KCTD8: variants seen among roughly 807,000 people sequenced by gnomAD.
KCTD8 encodes BTB/POZ domain-containing protein KCTD8.
A neutral mutation model predicts 31.5 loss-of-function variants in KCTD8; 27 were observed. The ratio of observed to expected loss-of-function variants is 0.86; its 90% CI spans 0.63 to 1.18. KCTD8 has a LOEUF of 1.18. Among genes scored for constraint, KCTD8 ranks in the 50% most tolerant of loss-of-function variants. The pLI is 0.00. For synonymous variants in KCTD8, 290 were observed against 280.0 expected, an observed-to-expected ratio of 1.04 and a Z score of -0.36; for missense variants, 658 against 647.7, an observed-to-expected ratio of 1.02 and a Z score of -0.17.
chr4:44,441,571 C>T (rs1388384717), intron 1 of KCTD8, among the ~76,000 whole-genome samples: 2 of 152,008 alleles, frequency 1.3e-5, no homozygotes, highest in African/African-American at 2.4e-5. Context: ...AAATTGACTG[C>T]CAGAAACAGG....
At chr4:44,358,231 C>A (rs1274912321) in intron 1 of KCTD8, among the ~76,000 whole-genome samples, 1 of 152,098 alleles carries the variant, frequency 6.6e-6, no homozygotes, top group Non-Finnish European at 1.5e-5. Context: ...TGAACTCATC[C>A]TTTTTTATGG....
Position 44,448,506 on chromosome 4 carries a change from C to A in KCTD8, c.18G>T (p.Thr6=). The A allele has an allele frequency of 6.7e-7, 1 of 1,488,556 alleles. No homozygotes were observed. The highest frequency in any genetic ancestry group is 2.4e-5 in the East Asian group (1 of 41,872). 92.2% of individuals were successfully genotyped at this position (1,488,556 alleles called of 1,614,324 possible). A position where few individuals can be genotyped will look rare whatever the true frequency, so the allele number is the denominator to read the frequency against. Residue 6 remains threonine (T), a synonymous_variant, in exon 1 of 2, where the codon ACG becomes ACT. Coordinates refer to ENST00000360029, the MANE Select transcript of KCTD8 (RefSeq NM_198353.3). This position sits in a 1 kb window ranked among gnomAD's most constrained non-coding sequence, Gnocchi z 4.1. ...GCAGGATGGTGCTGCCGCCGCTGCC[C>A]GTGTCCTTCAGAGCCATAGTCCCCC... MALKD[T]GSGGSTILPI...
chr4:44,267,196 C>T (rs1481136825), intron 1 of KCTD8, among the ~76,000 whole-genome samples: 1 of 152,192 alleles, frequency 6.6e-6, no homozygotes, highest in African/African-American at 2.4e-5. Flanking sequence ...CAAATTGTCT[C>T]TCAGACCACA....
chr4:44,247,722 TTC>T (rs1715708538), intron 1 of KCTD8, among the ~76,000 whole-genome samples: 1 of 151,934 alleles, frequency 6.6e-6, no homozygotes, highest in African/African-American at 2.4e-5. Flanking sequence ...CTATCAGTTC[TTC>T]TGTGATAGGC....
At position 44,193,198 on chromosome 4, in the gene KCTD8, T is replaced by C. The variant is rs577246554; in HGVS notation, c.962-17948A>G. Among the ~76,000 whole-genome samples, 15 of 152,318 alleles carry C rather than the reference T, an allele frequency of 9.8e-5. No homozygotes were observed. The South Asian group carries it at 1.2e-3, about 13-fold the overall frequency. ...TAACAAGTAAAGTTATAATATTTAA[T>C]ATTTATTGAATACTTATGGATCAGG... is the stretch of plus-strand genomic sequence containing the variant. On this transcript the variant is annotated intron_variant, in intron 1 of 1. Transcript: ENST00000360029.
chr4:44,228,651 A>AG (rs1422011326), intron 1 of KCTD8, among the ~76,000 whole-genome samples: 1 of 152,096 alleles, frequency 6.6e-6, no homozygotes, highest in Non-Finnish European at 1.5e-5. Context: ...CACCTCCTCA[A>AG]GGGGGGTCTT....
chr4:44,236,314 GGAA>G (rs997977927), intron 1 of KCTD8, among the ~76,000 whole-genome samples: 1 of 152,202 alleles, frequency 6.6e-6, no homozygotes, highest in East Asian at 1.9e-4. Flanking sequence ...TCTAGAGGCT[GGAA>G]GAAGGAGACA....
chr4:44,315,662 CTTAG>C lies in KCTD8; in HGVS notation c.961+131897_961+131900del, dbSNP rs1318250379. Among the ~76,000 whole-genome samples the C allele has an allele frequency of 4.0e-5, 6 of 148,238 alleles. No homozygotes were observed. In the East Asian group the frequency reaches 1.2e-3, roughly 30 times the overall value. Reference sequence around the variant, plus strand: ...AGAGTAAATATACATAATGATATTTCTTAGTTATTCTATGCCTGAAAAAGTGTAT... The same window carrying C: ...AGAGTAAATATACATAATGATATTTCTTATTCTATGCCTGAAAAAGTGTAT... On this transcript the variant is annotated intron_variant, in intron 1 of 1. Coordinates refer to ENST00000360029, the MANE Select transcript of KCTD8 (RefSeq NM_198353.3).
At chr4:44,293,401 T>A (rs1218258399) in intron 1 of KCTD8, 1 of 454,300 alleles carries the variant, frequency 2.2e-6, no homozygotes. Context: ...GTATTAACCT[T>A]ACCTGCTGCC....
At chr4:44,216,663 G>A (rs552699233) in intron 1 of KCTD8, among the ~76,000 whole-genome samples, 2 of 152,204 alleles carry the variant, frequency 1.3e-5, no homozygotes, top group African/African-American at 2.4e-5. Context: ...CAAAACCTGT[G>A]TGTCACAAGA....
At chr4:44,267,269 C>G (rs548060641) in intron 1 of KCTD8, among the ~76,000 whole-genome samples, 5 of 152,328 alleles carry the variant, frequency 3.3e-5, no homozygotes, top group African/African-American at 1.2e-4. Flanking sequence ...TACATGGAAA[C>G]TGAACAACCT....
intron 1 of KCTD8, among the ~76,000 whole-genome samples, chr4:44,366,576 AC>A (rs1719642018): frequency 6.6e-6 from 1 of 152,094 alleles, no homozygotes; most frequent in Non-Finnish European, 1.5e-5. Context: ...TTCATAAGTT[AC>A]CCAGTCACAG....
At chr4:44,193,036 C>T (rs1713811921) in intron 1 of KCTD8, among the ~76,000 whole-genome samples, 1 of 152,064 alleles carries the variant, frequency 6.6e-6, no homozygotes, top group Non-Finnish European at 1.5e-5. Context: ...ATAAACACCC[C>T]TTTATATATA....
intron 1 of KCTD8, among the ~76,000 whole-genome samples, chr4:44,235,183 T>G (rs1473304297): frequency 7.2e-6 from 1 of 138,952 alleles, no homozygotes; most frequent in African/African-American, 2.8e-5. Context: ...ACAGTGACAG[T>G]GTGCTGAGTT....
intron 1 of KCTD8, among the ~76,000 whole-genome samples, chr4:44,262,284 G>C (rs747946287): frequency 1.3e-5 from 2 of 151,908 alleles, no homozygotes; most frequent in Non-Finnish European, 2.9e-5. Flanking sequence ...TGAGGAAATA[G>C]ATATTTCAAA....
At chr4:44,379,231 CA>C (rs1206583945) in intron 1 of KCTD8, among the ~76,000 whole-genome samples, 1 of 152,006 alleles carries the variant, frequency 6.6e-6, no homozygotes, top group Non-Finnish European at 1.5e-5. Flanking sequence ...TAAATCTATC[CA>C]GGGGGCAATT....
chr4:44,317,946 A>C (rs1214894635), intron 1 of KCTD8, among the ~76,000 whole-genome samples: 1 of 152,214 alleles, frequency 6.6e-6, no homozygotes, highest in African/African-American at 2.4e-5. Flanking sequence ...TGGAACAGGA[A>C]TGGAATGCAT....
intron 1 of KCTD8, among the ~76,000 whole-genome samples, chr4:44,415,466 G>C (rs1721053033): frequency 1.3e-5 from 2 of 152,080 alleles, no homozygotes; most frequent in South Asian, 4.1e-4. Context: ...AGCCTCAAAG[G>C]CATTTTGGCA....
chr4:44,388,651 G>A (rs927013092), intron 1 of KCTD8, among the ~76,000 whole-genome samples: 1 of 151,640 alleles, frequency 6.6e-6, no homozygotes, highest in Non-Finnish European at 1.5e-5. Context: ...GAAGCTAAAT[G>A]ATGAAAACAC....
Sources: allele counts gnomAD v4.1 joint callset (sites outside exome capture counted in the v4.1 genomes callset), GRCh38; gene constraint gnomAD v4.1.1; non-coding constraint Gnocchi (gnomAD v3.1); transcripts MANE v1.5; gene names NCBI Gene and HGNC (gene_info 2026-07-23, HGNC 2026-07-21).